QKI: variants seen among roughly 807,000 people sequenced by gnomAD.
QKI encodes QKI, KH domain containing RNA binding.
A neutral mutation model predicts 39.0 loss-of-function variants in QKI; 10 were observed. That is an observed-to-expected ratio of 0.26 (90% CI 0.16 to 0.43). The LOEUF is 0.43. Among genes scored for constraint, QKI ranks in the 20% least tolerant of loss-of-function variants. QKI has a pLI of 1.00. For synonymous variants in QKI, 204 were observed against 155.4 expected, an observed-to-expected ratio of 1.31 and a Z score of -2.33; for missense variants, 218 against 428.0, an observed-to-expected ratio of 0.51 and a Z score of 4.33.
At chr6:163,545,997 A>G (rs1192529260) in intron 4 of QKI, among the ~76,000 whole-genome samples, 2 of 148,486 alleles carry the variant, frequency 1.3e-5, no homozygotes, top group East Asian at 1.9e-4. Context: ...AATGTAAACT[A>G]TTTTATAATT....
intron 3 of QKI, among the ~76,000 whole-genome samples, chr6:163,523,574 G>A (rs1185621245): frequency 6.6e-6 from 1 of 152,114 alleles, no homozygotes; most frequent in Non-Finnish European, 1.5e-5. Flanking sequence ...AAATGAGTTT[G>A]TAGTATGTTA....
At position 163,481,595 on chromosome 6, in the gene QKI, C is replaced by T. The variant is rs1002887779; in HGVS notation, c.402+2699C>T. 1.1e-4 allele frequency among the ~76,000 whole-genome samples: 16 copies of T among 152,150 alleles called. No individual in the cohort carries two copies. In the East Asian group the frequency reaches 1.5e-3, roughly 15 times the overall value. On this transcript the variant is annotated intron_variant, in intron 3 of 7. Transcript: ENST00000361752. ...TTGTAAATGCTATGTACTTCTAATG[C>T]TTTGGGGAAGTTAGTACTATATTAT...
chr6:163,464,821 C>T lies in QKI; in HGVS notation c.285+9400C>T, dbSNP rs1233407970. ...AAAAACTGAGCAGGAGAGAACACTT[C>T]CCAGATTCATTTTATGAGGCCAGCA... On this transcript the variant is annotated intron_variant, in intron 2 of 7. Transcript: ENST00000361752. 7.2e-5 allele frequency among the ~76,000 whole-genome samples: 11 copies of T among 152,286 alleles called. 1 individual carries two copies. The highest frequency in any genetic ancestry group is 4.1e-4 in the South Asian group (2 of 4,824).
At chr6:163,512,176 G>C (rs1294381615) in intron 3 of QKI, among the ~76,000 whole-genome samples, 1 of 151,956 alleles carries the variant, frequency 6.6e-6, no homozygotes, top group African/African-American at 2.4e-5. Flanking sequence ...AGCAAACTTA[G>C]AAGGAAACTT....
intron 2 of QKI, among the ~76,000 whole-genome samples, chr6:163,459,165 G>A (rs1190511603): frequency 1.3e-5 from 2 of 152,204 alleles, no homozygotes; most frequent in African/African-American, 2.4e-5. Flanking sequence ...AGGCTAAAGC[G>A]GGCAGTGGCT....
intron 7 of QKI, chr6:163,567,031 A>G: frequency 8.6e-7 from 1 of 1,157,080 alleles, no homozygotes; most frequent in South Asian, 3.3e-5. Flanking sequence ...ACTATGATTT[A>G]TTCCTACTAA....
intron 3 of QKI, among the ~76,000 whole-genome samples, chr6:163,500,359 A>G (rs1583106293): frequency 6.6e-6 from 1 of 152,206 alleles, no homozygotes; most frequent in East Asian, 1.9e-4. Context: ...TGTTGAGGCA[A>G]GAGATGGTGG....
intron 2 of QKI, among the ~76,000 whole-genome samples, chr6:163,465,708 T>C (rs1477485590): frequency 6.6e-6 from 1 of 151,886 alleles, no homozygotes; most frequent in East Asian, 1.9e-4. Flanking sequence ...GGCATAATCT[T>C]GTATGTAGAA....
intron 2 of QKI, among the ~76,000 whole-genome samples, chr6:163,464,064 T>C (rs1791547485): frequency 6.6e-6 from 1 of 152,200 alleles, no homozygotes; most frequent in Non-Finnish European, 1.5e-5. Context: ...TTGTTTCCCC[T>C]TAGAGTACTT....
intron 1 of QKI, among the ~76,000 whole-genome samples, chr6:163,448,407 G>C (rs1171665543): frequency 6.6e-6 from 1 of 150,692 alleles, no homozygotes; most frequent in Non-Finnish European, 1.5e-5. Flanking sequence ...TTGGTTGTTA[G>C]AGTAAGCAAA....
chr6:163,470,150 T>C (rs1239258663), intron 2 of QKI, among the ~76,000 whole-genome samples: 4 of 152,144 alleles, frequency 2.6e-5, no homozygotes, highest in Middle Eastern at 3.2e-3. Context: ...GGGGATCTCT[T>C]TTTCTGCTGA....
chr6:163,440,172 C>T (rs1789660616), intron 1 of QKI, among the ~76,000 whole-genome samples: 1 of 152,228 alleles, frequency 6.6e-6, no homozygotes, highest in Admixed American at 6.5e-5. Context: ...CTCTTACCAT[C>T]TGTCATCACT....
At chr6:163,518,894 G>A (rs1779988472) in intron 3 of QKI, among the ~76,000 whole-genome samples, 1 of 152,050 alleles carries the variant, frequency 6.6e-6, no homozygotes, top group Non-Finnish European at 1.5e-5. Flanking sequence ...TACCTGTGAG[G>A]TAAGCCTAGG....
chr6:163,430,459 A>T (rs1364449277), intron 1 of QKI, among the ~76,000 whole-genome samples: 7 of 151,362 alleles, frequency 4.6e-5, no homozygotes, highest in Non-Finnish European at 5.9e-5. Flanking sequence ...TTGTTTTCCT[A>T]GTGCATTTGG....
At chr6:163,440,246 A>G (rs1789665296) in intron 1 of QKI, among the ~76,000 whole-genome samples, 1 of 152,226 alleles carries the variant, frequency 6.6e-6, no homozygotes, top group African/African-American at 2.4e-5. Context: ...GGGATGGAGC[A>G]GTAGTGCTGG....
chr6:163,506,099 C>G (rs1779079358), intron 3 of QKI, among the ~76,000 whole-genome samples: 1 of 151,496 alleles, frequency 6.6e-6, no homozygotes, highest in Non-Finnish European at 1.5e-5. Flanking sequence ...AGAAGGTGCT[C>G]TTTTCCCCTT....
chr6:163,520,720 T>C (rs1277271790), intron 3 of QKI, among the ~76,000 whole-genome samples: 1 of 152,158 alleles, frequency 6.6e-6, no homozygotes, highest in East Asian at 1.9e-4. Context: ...AATGTACATG[T>C]CAGTCTTACC....
chr6:163,433,488 C>T (rs969690832), intron 1 of QKI, among the ~76,000 whole-genome samples: 5 of 152,104 alleles, frequency 3.3e-5, no homozygotes, highest in African/African-American at 4.8e-5. Flanking sequence ...AACCACAGGC[C>T]GGGCACGGTG....
Position 163,571,448 on chromosome 6 carries a change from A to T in QKI, c.*738A>T, listed in dbSNP as rs539236646. 2.6e-5 allele frequency: 4 copies of T among 152,342 alleles called. No individual in the cohort carries two copies. The South Asian group carries it at 8.3e-4, about 32-fold the overall frequency. The allele number at this position is 152,342 out of a possible 1,614,324, so 9.4% of individuals were successfully genotyped here. A position where few individuals can be genotyped will look rare whatever the true frequency, so the allele number is the denominator to read the frequency against. On this transcript the variant is annotated 3_prime_UTR_variant, in exon 8 of 8. Transcript: ENST00000361752. ...GAATCTTTATTTTACACCTAAAAAA[A>T]TATGAGAACAAGGTACATGCATTAT...
Sources: gnomAD v4.1 joint callset for allele counts (sites outside exome capture counted in the v4.1 genomes callset) on GRCh38, gnomAD v4.1.1 for gene constraint, MANE v1.5 for transcripts, NCBI Gene and HGNC (gene_info 2026-07-23, HGNC 2026-07-21) for gene names.